NETO1: variants seen among roughly 807,000 people sequenced by gnomAD.
NETO1 encodes the protein neuropilin and tolloid-like protein 1.
In NETO1, 26 loss-of-function variants were observed where a neutral mutation model predicts 61.3. The observed-to-expected ratio is 0.42, with a 90% confidence interval of 0.31 to 0.59. NETO1 has a LOEUF of 0.59. Ranked by LOEUF, NETO1 falls within the 20% of genes least tolerant of loss-of-function variation. The pLI is 0.12. For missense variants in NETO1, 531 were observed against 662.8 expected (o/e 0.80, Z 2.18); for synonymous variants, 225 against 225.8 (o/e 1.00, Z 0.03).
intron 4 of NETO1, among the ~76,000 whole-genome samples, chr18:72,855,524 T>G (rs1281369010): frequency 6.6e-6 from 1 of 152,182 alleles, no homozygotes; most frequent in African/African-American, 2.4e-5. Flanking sequence ...CCCATTTCTA[T>G]TCTCTCTCGC....
chr18:72,859,614 T>C (rs969929292), intron 3 of NETO1, among the ~76,000 whole-genome samples: 2 of 152,202 alleles, frequency 1.3e-5, no homozygotes, highest in African/African-American at 4.8e-5. Context: ...CCTCAGCAGC[T>C]GGACCATGAT....
chr18:72,784,010 C>T, intron 6 of NETO1, 104 bp from the exon 7 acceptor site: 1 of 727,706 alleles, frequency 1.4e-6, no homozygotes, highest in South Asian at 1.8e-5. Context: ...ATCTTGATTG[C>T]AATCAATCTT....
At chr18:72,764,785 C>G (rs1230380886) in intron 7 of NETO1, among the ~76,000 whole-genome samples, 1 of 152,306 alleles carries the variant, frequency 6.6e-6, no homozygotes, top group African/African-American at 2.4e-5. Context: ...ACCTCCCACA[C>G]CTTCCTGGCA....
chr18:72,835,951 A>C, intron 4 of NETO1, among the ~76,000 whole-genome samples: 1 of 152,298 alleles, frequency 6.6e-6, no homozygotes, highest in East Asian at 1.9e-4. Flanking sequence ...AGAAACATGC[A>C]TATCTCTTAC....
chr18:72,773,810 C>A (rs12966986), intron 7 of NETO1, among the ~76,000 whole-genome samples: 47,303 of 151,908 alleles, frequency 0.31, 8,253 homozygotes, highest in South Asian at 0.48. Context: ...GTATTTCTTC[C>A]TAGCAGCGTG....
intron 7 of NETO1, among the ~76,000 whole-genome samples, chr18:72,780,572 G>A (rs916660269): frequency 2.0e-5 from 3 of 151,962 alleles, no homozygotes; most frequent in African/African-American, 4.8e-5. Flanking sequence ...CCTCTATACC[G>A]TTCATGCCAG....
At position 72,789,949 on chromosome 18, in the gene NETO1, G is replaced by T. The variant is rs2072057277; in HGVS notation, c.639+4168C>A. Among the ~76,000 whole-genome samples, 2 of 152,092 alleles carry T rather than the reference G, an allele frequency of 1.3e-5. 1 individual carries two copies. Among genetic ancestry groups the T allele is most frequent in the South Asian group, 4.1e-4 (2 of 4,820 alleles). On this transcript the variant is annotated intron_variant, in intron 6 of 10. Transcript: ENST00000327305. Reference sequence around the variant, plus strand: ...ATCATATTCACAATCCCAGCAATTGGGGCTGGAAATCTGTGTTCATTAGAT... The same window carrying T: ...ATCATATTCACAATCCCAGCAATTGTGGCTGGAAATCTGTGTTCATTAGAT...
intron 7 of NETO1, among the ~76,000 whole-genome samples, chr18:72,777,287 G>A (rs1019926227): frequency 2.6e-5 from 4 of 152,050 alleles, no homozygotes; most frequent in Non-Finnish European, 4.4e-5. Flanking sequence ...GTGTAGTGGT[G>A]TATGCCTGAA....
chr18:72,785,962 G>C (rs2145240429), intron 6 of NETO1, among the ~76,000 whole-genome samples: 1 of 152,210 alleles, frequency 6.6e-6, no homozygotes, highest in Non-Finnish European at 1.5e-5. Context: ...CATAGTTATA[G>C]GTTATATGTC....
chr18:72,865,706 G>C, intron 1 of NETO1: 4 of 1,535,342 alleles, frequency 2.6e-6, no homozygotes, highest in South Asian at 1.2e-5. Flanking sequence ...CTGTATTTTA[G>C]AAAATAAATA....
At position 72,772,765 on chromosome 18, in the gene NETO1, A is replaced by C. The variant is rs11282950; in HGVS notation, c.868+10913T>G. ...CACATCTCTCTATATATATCTATAT[A>C]TATATATATATACAGATCTCTATAT... On this transcript the variant is annotated intron_variant, in intron 7 of 10. Coordinates refer to ENST00000327305, the MANE Select transcript of NETO1 (RefSeq NM_138966.5). Among the ~76,000 whole-genome samples the C allele has an allele frequency of 4.3e-4, 59 of 136,342 alleles. 2 individuals carry two copies. Among genetic ancestry groups the C allele is most frequent in the African/African-American group, 1.5e-3 (53 of 34,668 alleles). 89.4% of individuals were successfully genotyped at this position (136,342 alleles called of 152,430 possible).
intron 6 of NETO1, among the ~76,000 whole-genome samples, chr18:72,785,581 C>T (rs912709842): frequency 4.6e-5 from 7 of 152,282 alleles, no homozygotes; most frequent in Admixed American, 3.9e-4. Context: ...GGTACATGTG[C>T]ACAATGTGCA....
At chr18:72,832,125 T>A (rs981974617) in intron 4 of NETO1, among the ~76,000 whole-genome samples, 1 of 152,196 alleles carries the variant, frequency 6.6e-6, no homozygotes, top group South Asian at 2.1e-4. Flanking sequence ...AGTAAATGAA[T>A]AATTGATAGA....
At chr18:72,867,013 CG>C in intron 1 of NETO1, 5 of 457,672 alleles carry the variant, frequency 1.1e-5, no homozygotes, top group Non-Finnish European at 1.1e-5. Context: ...CCTCCACCCC[CG>C]GGGGGTTCCT....
At chr18:72,844,189 T>C (rs1255300769) in intron 4 of NETO1, among the ~76,000 whole-genome samples, 1 of 152,230 alleles carries the variant, frequency 6.6e-6, no homozygotes, top group Non-Finnish European at 1.5e-5. Context: ...CGTTTCTACT[T>C]CTCTTTCTCA....
intron 4 of NETO1, among the ~76,000 whole-genome samples, chr18:72,815,344 A>C (rs1055402841): frequency 1.6e-4 from 24 of 152,318 alleles, no homozygotes; most frequent in Middle Eastern, 3.4e-3. Context: ...CCTCCACATG[A>C]CACCAGAGTG....
chr18:72,773,646 C>A (rs920101043), intron 7 of NETO1, among the ~76,000 whole-genome samples: 1 of 152,096 alleles, frequency 6.6e-6, no homozygotes, highest in African/African-American at 2.4e-5. Flanking sequence ...GTTTTATAGG[C>A]GTCTCACAAT....
intron 8 of NETO1, among the ~76,000 whole-genome samples, chr18:72,750,853 C>T (rs571699934): frequency 1.4e-5 from 2 of 139,238 alleles, no homozygotes; most frequent in African/African-American, 5.2e-5. Context: ...TCCCCATTGC[C>T]CAGCATCTCA....
At chr18:72,850,515 A>T (rs1390873721) in intron 4 of NETO1, among the ~76,000 whole-genome samples, 3 of 152,222 alleles carry the variant, frequency 2.0e-5, no homozygotes, top group African/African-American at 7.2e-5. Context: ...TTGTTATGAA[A>T]GGAAATGTTT....
Sources: gnomAD v4.1 joint callset for allele counts (sites outside exome capture counted in the v4.1 genomes callset) on GRCh38, gnomAD v4.1.1 for gene constraint, MANE v1.5 for transcripts, NCBI Gene and HGNC (gene_info 2026-07-23, HGNC 2026-07-21) for gene names.